TRAPPC6B: variants seen among roughly 807,000 people sequenced by gnomAD.
TRAPPC6B encodes TRAPP complex subunit 6B.
A neutral mutation model predicts 24.7 loss-of-function variants in TRAPPC6B; 27 were observed. The ratio of observed to expected loss-of-function variants is 1.09; its 90% CI spans 0.81 to 1.51. The LOEUF (loss-of-function observed/expected upper bound fraction) is 1.51. Among genes scored for constraint, TRAPPC6B ranks in the 40% most tolerant of loss-of-function variants. The pLI is 0.00. For missense variants in TRAPPC6B, 212 were observed against 190.8 expected (o/e 1.11, Z -0.66); for synonymous variants, 80 against 66.6 (o/e 1.20, Z -0.98).
intron 3 of TRAPPC6B, 116 bp downstream of exon 3, chr14:39,158,169 T>C: frequency 1.6e-6 from 1 of 635,408 alleles, no homozygotes; most frequent in Admixed American, 3.5e-5. Flanking sequence ...ATTAATAACA[T>C]AAACATATTC....
At chr14:39,153,239 T>A (rs1238703407) in intron 4 of TRAPPC6B, among the ~76,000 whole-genome samples, 2 of 144,006 alleles carry the variant, frequency 1.4e-5, no homozygotes, top group Non-Finnish European at 3.0e-5. Context: ...TTGCAGTGAG[T>A]CTCACACTCT....
intron 3 of TRAPPC6B, among the ~76,000 whole-genome samples, chr14:39,156,097 G>A (rs1439671333): frequency 6.6e-6 from 1 of 152,086 alleles, no homozygotes; most frequent in Non-Finnish European, 1.5e-5. Flanking sequence ...CCAGCCAGCT[G>A]ATATATATTA....
intron 3 of TRAPPC6B, among the ~76,000 whole-genome samples, chr14:39,155,487 C>T (rs1168649162): frequency 1.3e-5 from 2 of 152,028 alleles, no homozygotes; most frequent in African/African-American, 2.4e-5. Context: ...GTGATCCACC[C>T]GCCTTGGCCT....
chr14:39,167,467 A>C (rs777283003), intron 1 of TRAPPC6B, among the ~76,000 whole-genome samples: 2 of 152,230 alleles, frequency 1.3e-5, no homozygotes, highest in Non-Finnish European at 2.9e-5. Context: ...AGGTCTTTTC[A>C]GACATAAACA....
intron 1 of TRAPPC6B, among the ~76,000 whole-genome samples, chr14:39,166,267 A>C (rs540943532): frequency 2.6e-5 from 3 of 114,892 alleles, no homozygotes; most frequent in Non-Finnish European, 3.8e-5. Context: ...AAAAAAAAAA[A>C]AACAAAAAAA....
chr14:39,164,721 C>T lies in TRAPPC6B; in HGVS notation c.82-5171G>A, dbSNP rs1036099741. Among the ~76,000 whole-genome samples, 4 of 152,064 alleles carry T rather than the reference C, an allele frequency of 2.6e-5. No individual in the cohort carries two copies. The East Asian group carries it at 7.7e-4, about 29-fold the overall frequency. ...ACATGGTGGCATGCACCTATAGTCC[C>T]AGCTACTTGGGAGGCTGAGGTAGGA... is the stretch of plus-strand genomic sequence containing the variant. On this transcript the variant is annotated intron_variant, in intron 1 of 5. Coordinates refer to ENST00000330149, the MANE Select transcript of TRAPPC6B (RefSeq NM_001079537.2).
At position 39,170,302 on chromosome 14, in the gene TRAPPC6B, G is replaced by A. The variant is rs1490228199; in HGVS notation, c.-207C>T. 3 of 571,616 alleles carry A rather than the reference G, an allele frequency of 5.2e-6. No individual in the cohort carries two copies. Among genetic ancestry groups the A allele is most frequent in the South Asian group, 2.2e-5 (1 of 45,700 alleles). The allele number at this position is 571,616 out of a possible 1,614,324, so 35.4% of individuals were successfully genotyped here. ...GTACTGGAGAGAGCCCACACTTCGG[G>A]GCTACCAAATCCTAGGGCCGAACTA... is the stretch of plus-strand genomic sequence containing the variant. On this transcript the variant is annotated 5_prime_UTR_variant, in exon 1 of 6. Transcript: ENST00000330149.
chr14:39,164,756 G>C (rs1417363250), intron 1 of TRAPPC6B, among the ~76,000 whole-genome samples: 2 of 152,186 alleles, frequency 1.3e-5, no homozygotes, highest in Non-Finnish European at 2.9e-5. Context: ...AGGATGGCTT[G>C]AGTGCAGGAG....
chr14:39,154,374 T>A (rs1206997960), intron 3 of TRAPPC6B, 80 bp from the exon 4 acceptor site: 6 of 917,252 alleles, frequency 6.5e-6, no homozygotes, highest in South Asian at 6.3e-5. Context: ...TGAAACAATT[T>A]AAGTGTTTTT....
intron 5 of TRAPPC6B, among the ~76,000 whole-genome samples, chr14:39,150,904 A>T (rs998192849): frequency 3.3e-5 from 5 of 152,096 alleles, no homozygotes; most frequent in African/African-American, 9.7e-5. Context: ...CTCTTTATGA[A>T]TCCTACATTT....
At position 39,151,731 on chromosome 14, in the gene TRAPPC6B, G is replaced by T. The variant is rs759693205; in HGVS notation, c.445+15C>A. On this transcript the variant is annotated intron_variant, in intron 5 of 5. Coordinates refer to ENST00000330149, the MANE Select transcript of TRAPPC6B (RefSeq NM_001079537.2). ...AATTACTAAAACATTTGTAAGAAAG[G>T]CGAATTCAACTTACAAGCAGGCATT... is the stretch of plus-strand genomic sequence containing the variant. The T allele has an allele frequency of 8.5e-6, 13 of 1,533,184 alleles. 1 individual carries two copies. The South Asian group carries it at 1.6e-4, about 19-fold the overall frequency. The allele number at this position is 1,533,184 out of a possible 1,614,324, so 95.0% of individuals were successfully genotyped here. A position where few individuals can be genotyped will look rare whatever the true frequency, so the allele number is the denominator to read the frequency against.
chr14:39,157,595 T>C (rs774251947), intron 3 of TRAPPC6B: 1 of 373,258 alleles, frequency 2.7e-6, no homozygotes, highest in Non-Finnish European at 5.2e-6. Flanking sequence ...AAAATGGGGG[T>C]CCCTTACCGC....
rs2053083046 is a variant in TRAPPC6B, at chr14:39,163,984, C to G, written c.82-4434G>C. On this transcript the variant is annotated intron_variant, in intron 1 of 5. Transcript: ENST00000330149. ...ATTTTCTTCACCCCTGTGCTCCCAA[C>G]CCCCCATACACTGTAGTCCGGTGGA... Among the ~76,000 whole-genome samples, 2 of 150,820 alleles carry G rather than the reference C, an allele frequency of 1.3e-5. 1 individual carries two copies. Among genetic ancestry groups the G allele is most frequent in the African/African-American group, 5.0e-5 (2 of 40,168 alleles).
chr14:39,160,010 A>C (rs780684265), intron 1 of TRAPPC6B, among the ~76,000 whole-genome samples: 9 of 152,052 alleles, frequency 5.9e-5, no homozygotes, highest in Non-Finnish European at 1.2e-4. Flanking sequence ...TTTAGTAGAG[A>C]AAATACAAAA....
chr14:39,152,115 T>G (rs1387029991), intron 4 of TRAPPC6B, among the ~76,000 whole-genome samples: 1 of 152,152 alleles, frequency 6.6e-6, no homozygotes, highest in Non-Finnish European at 1.5e-5. Context: ...AGCCAGAAAC[T>G]GATCAGAATT....
At chr14:39,150,512 C>T in intron 5 of TRAPPC6B, 131 bp from the exon 6 acceptor site, 1 of 644,834 alleles carries the variant, frequency 1.6e-6, no homozygotes, top group Non-Finnish European at 2.6e-6. Flanking sequence ...TTTTCGCATT[C>T]TTCATAATAT....
At chr14:39,159,693 T>A (rs1289488252) in intron 1 of TRAPPC6B, 143 bp from the exon 2 acceptor site, 1 of 499,514 alleles carries the variant, frequency 2.0e-6, no homozygotes. Flanking sequence ...AAGTGAATTA[T>A]AAGGTTGATT....
Position 39,150,026 on chromosome 14 carries a change from G to A in TRAPPC6B, c.*324C>T. On this transcript the variant is annotated 3_prime_UTR_variant, in exon 6 of 6. Coordinates refer to ENST00000330149, the MANE Select transcript of TRAPPC6B (RefSeq NM_001079537.2). ...CTGTTGGTACATAATTTTCTCTCAT[G>A]CTAATTCAACAAACCCTGAGCTTTG... 4.9e-6 allele frequency: 1 copy of A among 203,776 alleles called. No homozygotes were observed. Among genetic ancestry groups the A allele is most frequent in the Non-Finnish European group, 9.8e-6 (1 of 102,336 alleles). The allele number at this position is 203,776 out of a possible 1,614,324, so 12.6% of individuals were successfully genotyped here.
chr14:39,151,158 G>A (rs554565226), intron 5 of TRAPPC6B, among the ~76,000 whole-genome samples: 11 of 152,104 alleles, frequency 7.2e-5, no homozygotes, highest in South Asian at 2.1e-4. Context: ...TTGGGAGGCC[G>A]AGGCAGACGG....
Sources: allele counts gnomAD v4.1 joint callset (sites outside exome capture counted in the v4.1 genomes callset), GRCh38; gene constraint gnomAD v4.1.1; transcripts MANE v1.5; gene names NCBI Gene and HGNC (gene_info 2026-07-23, HGNC 2026-07-21).